CAMK4: variants seen among roughly 807,000 people sequenced by gnomAD.
CAMK4 encodes the protein calcium/calmodulin-dependent protein kinase type IV.
In CAMK4, 22 loss-of-function variants were observed where a neutral mutation model predicts 44.9. The observed-to-expected ratio is 0.49, with a 90% CI of 0.35 to 0.70. The LOEUF is 0.70. Among genes scored for constraint, CAMK4 ranks in the 30% least tolerant of loss-of-function variants. CAMK4 has a pLI of 0.01. For synonymous variants in CAMK4, 218 were observed against 215.4 expected, an observed-to-expected ratio of 1.01 and a Z score of -0.11; for missense variants, 498 against 586.8, an observed-to-expected ratio of 0.85 and a Z score of 1.56.
rs1394461290 is a variant in CAMK4, at chr5:111,488,946, T to C, written c.*4480T>C. ...ATAGTAACCTATGTAAAAGGATTTGTAATTTCCTTGTAATTCCTGCCTATT... is the reference window on the plus strand; with the variant it reads ...ATAGTAACCTATGTAAAAGGATTTGCAATTTCCTTGTAATTCCTGCCTATT... On this transcript the variant is annotated 3_prime_UTR_variant, in exon 11 of 11. Transcript: ENST00000282356. 1.3e-5 allele frequency: 2 copies of C among 152,230 alleles called. 1 individual carries two copies. Among genetic ancestry groups the C allele is most frequent in the Non-Finnish European group, 2.9e-5 (2 of 68,024 alleles). The allele number at this position is 152,230 out of a possible 1,614,324, so 9.4% of individuals were successfully genotyped here.
At chr5:111,371,652 T>G (rs544357631) in intron 2 of CAMK4, among the ~76,000 whole-genome samples, 78 of 152,302 alleles carry the variant, frequency 5.1e-4, no homozygotes, top group Middle Eastern at 3.4e-3. Context: ...ATTCTAAAAT[T>G]TCCAGTTCAA....
intron 2 of CAMK4, among the ~76,000 whole-genome samples, chr5:111,360,704 G>A (rs536774888): frequency 6.6e-6 from 1 of 152,060 alleles, no homozygotes; most frequent in Non-Finnish European, 1.5e-5. Flanking sequence ...GCACACCACT[G>A]TATGGAGAAA....
chr5:111,453,057 A>G (rs1754290778), intron 7 of CAMK4, among the ~76,000 whole-genome samples: 1 of 152,240 alleles, frequency 6.6e-6, no homozygotes, highest in Non-Finnish European at 1.5e-5. Context: ...TAAGTTTAAC[A>G]TATTTCTTTA....
At chr5:111,239,471 G>A (rs140570192) in intron 1 of CAMK4, among the ~76,000 whole-genome samples, 118 of 152,214 alleles carry the variant, frequency 7.8e-4, no homozygotes, top group African/African-American at 2.7e-3. Flanking sequence ...GACCTTTACT[G>A]CATGTCTTTG....
chr5:111,451,324 A>T (rs979789590), intron 7 of CAMK4, among the ~76,000 whole-genome samples: 3 of 152,006 alleles, frequency 2.0e-5, no homozygotes, highest in Non-Finnish European at 4.4e-5. Context: ...TTTTATTTTA[A>T]AATCTTCATT....
At chr5:111,471,509 GC>G (rs1237233494) in intron 7 of CAMK4, among the ~76,000 whole-genome samples, 6 of 152,252 alleles carry the variant, frequency 3.9e-5, no homozygotes, top group Admixed American at 3.3e-4. Context: ...TTCCACCCAA[GC>G]TTTACCATAA....
chr5:111,266,784 C>A (rs1750266191), intron 1 of CAMK4, among the ~76,000 whole-genome samples: 1 of 152,190 alleles, frequency 6.6e-6, no homozygotes, highest in Admixed American at 6.5e-5. Flanking sequence ...GCTAGGGGTG[C>A]CAAAGTGCTA....
chr5:111,431,845 A>C (rs1419108426), intron 5 of CAMK4, among the ~76,000 whole-genome samples: 1 of 152,224 alleles, frequency 6.6e-6, no homozygotes, highest in Non-Finnish European at 1.5e-5. Context: ...GCTTATACCC[A>C]GAAGACAGGA....
intron 1 of CAMK4, among the ~76,000 whole-genome samples, chr5:111,279,906 A>T (rs180791326): frequency 1.0e-3 from 153 of 152,332 alleles, no homozygotes; most frequent in Non-Finnish European, 1.7e-3. Context: ...GGCTAAATTT[A>T]GTGGGTGGTA....
At chr5:111,341,506 C>T (rs973263450) in intron 1 of CAMK4, among the ~76,000 whole-genome samples, 1 of 150,342 alleles carries the variant, frequency 6.7e-6, no homozygotes, top group African/African-American at 2.4e-5. Flanking sequence ...AGAAAATAAT[C>T]CATCATATAT....
At chr5:111,310,054 G>A (rs79680484) in intron 1 of CAMK4, among the ~76,000 whole-genome samples, 9 of 152,102 alleles carry the variant, frequency 5.9e-5, no homozygotes, top group African/African-American at 1.9e-4. Context: ...TACTGACACC[G>A]TTTCATGAGT....
intron 7 of CAMK4, among the ~76,000 whole-genome samples, chr5:111,454,965 G>A (rs1249665335): frequency 6.6e-6 from 1 of 152,098 alleles, no homozygotes; most frequent in Non-Finnish European, 1.5e-5. Context: ...TATTTTCAGA[G>A]TCTACAAGCT....
chr5:111,451,606 C>A (rs1754239774), intron 7 of CAMK4, among the ~76,000 whole-genome samples: 1 of 151,932 alleles, frequency 6.6e-6, no homozygotes, highest in Admixed American at 6.6e-5. Flanking sequence ...TTTTTTATAC[C>A]TCAAAAGTAT....
At chr5:111,255,869 A>G (rs1749719764) in intron 1 of CAMK4, among the ~76,000 whole-genome samples, 9 of 152,204 alleles carry the variant, frequency 5.9e-5, no homozygotes, top group Admixed American at 5.9e-4. Context: ...GTATTTTTGG[A>G]TATGTGAGTA....
At chr5:111,333,569 C>T (rs1212931834) in intron 1 of CAMK4, among the ~76,000 whole-genome samples, 19 of 151,464 alleles carry the variant, frequency 1.3e-4, no homozygotes, top group Admixed American at 1.2e-3. Flanking sequence ...ATTTGGGTTC[C>T]AGAGCTTCTT....
intron 1 of CAMK4, among the ~76,000 whole-genome samples, chr5:111,316,739 C>T (rs1748440965): frequency 6.6e-6 from 1 of 152,114 alleles, no homozygotes; most frequent in Non-Finnish European, 1.5e-5. Flanking sequence ...TACCTCAGTG[C>T]TTTTCTGGCA....
intron 7 of CAMK4, among the ~76,000 whole-genome samples, chr5:111,451,877 C>T (rs1754250179): frequency 6.6e-6 from 1 of 152,100 alleles, no homozygotes; most frequent in Non-Finnish European, 1.5e-5. Context: ...CCAGCCTGGG[C>T]AATAAAAGGA....
intron 1 of CAMK4, among the ~76,000 whole-genome samples, chr5:111,238,500 C>A (rs1407760380): frequency 6.6e-6 from 1 of 151,998 alleles, no homozygotes; most frequent in Non-Finnish European, 1.5e-5. Flanking sequence ...CCCGACCACA[C>A]TGGCACCCGA....
Position 111,272,558 on chromosome 5 carries a change from C to A in CAMK4, c.161+47914C>A, listed in dbSNP as rs186803289. Among the ~76,000 whole-genome samples, 96 of 152,240 alleles carry A rather than the reference C, an allele frequency of 6.3e-4. 1 individual carries two copies. The Middle Eastern group carries it at 0.01, about 16-fold the overall frequency. On this transcript the variant is annotated intron_variant, in intron 1 of 10. Coordinates refer to ENST00000282356, the MANE Select transcript of CAMK4 (RefSeq NM_001744.6). ...TAAACGGGATTTAACATATTCATAT[C>A]ATGTACTATGGCAGTGTCTGTGAAT...
Sources: allele counts gnomAD v4.1 joint callset (sites outside exome capture counted in the v4.1 genomes callset), GRCh38; gene constraint gnomAD v4.1.1; transcripts MANE v1.5; gene names NCBI Gene and HGNC (gene_info 2026-07-23, HGNC 2026-07-21).